Variants in TBC1D19 observed in about 807,000 individuals in gnomAD.
TBC1D19 encodes TBC1 domain family member 19, also known as TBC1 domain family, member 19.
Under a neutral mutation model 89.0 loss-of-function variants are expected in TBC1D19, and 60 were observed. That is an observed-to-expected ratio of 0.67 (90% CI 0.55 to 0.84). The LOEUF is 0.84. Ranked by LOEUF, TBC1D19 falls within the 40% of genes least tolerant of loss-of-function variation. The pLI is 0.00. For missense variants in TBC1D19, 500 were observed against 610.8 expected (o/e 0.82, Z 1.91); for synonymous variants, 189 against 199.7 (o/e 0.95, Z 0.45).
upstream of TBC1D19, among the ~76,000 whole-genome samples, chr4:26,580,561 C>T (rs1739045040): frequency 6.6e-6 from 1 of 152,164 alleles, no homozygotes; most frequent in African/African-American, 2.4e-5. Context: ...CGTTTGTTCC[C>T]AAAGACAGTG....
intron 13 of TBC1D19, among the ~76,000 whole-genome samples, chr4:26,712,751 G>A (rs1428519180): frequency 3.9e-5 from 6 of 152,112 alleles, no homozygotes; most frequent in African/African-American, 1.4e-4. Flanking sequence ...AAATGGAAGG[G>A]TAAGCAGGTA....
Position 26,701,753 on chromosome 4 carries a change from C to A in TBC1D19, c.954+13346C>A, listed in dbSNP as rs527350561. On this transcript the variant is annotated intron_variant, in intron 13 of 20. Transcript: ENST00000264866. ...ATGTCACACAAAGACATAAAAAAAA[C>A]CCACATAAACTAAATATCTACCACT... 1.1e-3 allele frequency among the ~76,000 whole-genome samples: 166 copies of A among 152,018 alleles called. 1 individual carries two copies. Among genetic ancestry groups the A allele is most frequent in the African/African-American group, 3.9e-3 (163 of 41,476 alleles).
At chr4:26,823,939 G>A in the TBC1D19 span, among the ~76,000 whole-genome samples, 15 of 152,284 alleles carry the variant, frequency 9.9e-5, no homozygotes, top group South Asian at 2.1e-4. Context: ...TGAGCCACCC[G>A]GGCTGACTGC....
Position 26,735,455 on chromosome 4 carries a change from G to C in TBC1D19, c.1085G>C (p.Gly362Ala). 6.5e-7 allele frequency: 1 copy of C among 1,539,574 alleles called. No individual in the cohort carries two copies. Among genetic ancestry groups the C allele is most frequent in the Non-Finnish European group, 8.8e-7 (1 of 1,138,778 alleles). Residue 362 changes from glycine to alanine, a missense_variant and splice_region_variant, in exon 16 of 21, where the codon GGT (glycine) becomes GCT (alanine). Gly to Ala is a moderately conservative substitution (Grantham distance 60). Transcript: ENST00000264866. ...AAAAGAAATACCTTTTTTTTTTTAG[G>C]TGTTATCCCTTTTCATGGATTTTCA... ...EEYAVFYPPN[G>A]VIPFHGFSMY... is the part of the protein sequence containing the mutation.
chr4:26,739,950 C>T lies in TBC1D19; in HGVS notation c.1204C>T (p.His402Tyr), dbSNP rs752495919. 1.3e-6 allele frequency: 2 copies of T among 1,592,356 alleles called. No homozygotes were observed. The highest frequency in any genetic ancestry group is 4.6e-5 in the East Asian group (2 of 43,488). Reference sequence around the variant, plus strand: ...GTATGTGCGTTTTTTCTTCAGACTCCATTCCATCTCTTCTCATCCTTCTGT... The same window carrying T: ...GTATGTGCGTTTTTTCTTCAGACTCTATTCCATCTCTTCTCATCCTTCTGT... The part of the protein sequence containing the change: ...EMYVRFFFRL[H>Y]SISSHPSGIV... The change falls in exon 17 of 21, where the codon CAT (histidine) becomes TAT (tyrosine). Residue 402 changes from histidine to tyrosine, a missense_variant. Physicochemically the swap from His to Tyr is moderately conservative, Grantham distance 83. Around this residue, in one of 2 missense-constraint regions of TBC1D19, gnomAD observed 220 missense variants for 319.1 expected, o/e 0.69. Coordinates refer to ENST00000264866, the MANE Select transcript of TBC1D19 (RefSeq NM_018317.4).
At chr4:26,593,850 G>A (rs1481146625) in intron 1 of TBC1D19, among the ~76,000 whole-genome samples, 1 of 152,202 alleles carries the variant, frequency 6.6e-6, no homozygotes, top group African/African-American at 2.4e-5. Flanking sequence ...ACAGGTGCTG[G>A]AGAGGTTGTG....
rs1165703037 is a variant in TBC1D19, at chr4:26,688,417, A to G, written c.954+10A>G. 6.5e-7 allele frequency: 1 copy of G among 1,545,528 alleles called. No individual in the cohort carries two copies. Among genetic ancestry groups the G allele is most frequent in the Non-Finnish European group, 8.8e-7 (1 of 1,141,922 alleles). On this transcript the variant is annotated intron_variant, in intron 13 of 20. Coordinates refer to ENST00000264866, the MANE Select transcript of TBC1D19 (RefSeq NM_018317.4). ...AGATTATTTATATCAGGTAAGTTTA[A>G]AAATAAAAATACATAGTGTTCTTGT...
At chr4:26,592,826 A>G (rs1313556681) in intron 1 of TBC1D19, among the ~76,000 whole-genome samples, 5 of 152,168 alleles carry the variant, frequency 3.3e-5, no homozygotes, top group Non-Finnish European at 7.4e-5. Flanking sequence ...CCACTGCTCA[A>G]TGAAATAAAA....
chr4:26,826,574 C>T, the TBC1D19 span, among the ~76,000 whole-genome samples: 15 of 152,176 alleles, frequency 9.9e-5, no homozygotes, highest in African/African-American at 3.4e-4. Flanking sequence ...TCCAATATAC[C>T]TTTCAAAATT....
the TBC1D19 span, among the ~76,000 whole-genome samples, chr4:26,774,217 C>T: frequency 6.6e-6 from 1 of 152,210 alleles, no homozygotes; most frequent in African/African-American, 2.4e-5. Flanking sequence ...AGGGAGGTGG[C>T]ACATTGCTTA....
the TBC1D19 span, among the ~76,000 whole-genome samples, chr4:26,808,598 A>G: frequency 6.6e-6 from 1 of 151,994 alleles, no homozygotes; most frequent in Non-Finnish European, 1.5e-5. Flanking sequence ...GCGTGATGGC[A>G]GGCACCTGTA....
chr4:26,736,288 G>T (rs1406075935), intron 16 of TBC1D19, among the ~76,000 whole-genome samples: 2 of 140,438 alleles, frequency 1.4e-5, no homozygotes, highest in African/African-American at 2.6e-5. Flanking sequence ...GTAAACTATC[G>T]CAAGAACAAA....
At chr4:26,645,708 G>A (rs1484222622) in intron 7 of TBC1D19, among the ~76,000 whole-genome samples, 1 of 152,224 alleles carries the variant, frequency 6.6e-6, no homozygotes, top group Admixed American at 6.5e-5. Flanking sequence ...TACCATCAGA[G>A]TGAACAGGCA....
At chr4:26,623,060 T>G (rs926699442) in intron 4 of TBC1D19, among the ~76,000 whole-genome samples, 1 of 152,202 alleles carries the variant, frequency 6.6e-6, no homozygotes, top group African/African-American at 2.4e-5. Flanking sequence ...TTTGAGACAC[T>G]TAGTTGTTTA....
intron 5 of TBC1D19, among the ~76,000 whole-genome samples, chr4:26,638,014 G>T (rs1276992875): frequency 6.6e-6 from 1 of 152,130 alleles, no homozygotes; most frequent in Non-Finnish European, 1.5e-5. Flanking sequence ...CGGTATTAAC[G>T]TAGGAAACGA....
intron 1 of TBC1D19, among the ~76,000 whole-genome samples, chr4:26,598,372 A>G (rs1231503554): frequency 1.3e-5 from 2 of 151,616 alleles, no homozygotes; most frequent in African/African-American, 4.8e-5. Context: ...TTTTTACACT[A>G]TGTATGATAA....
intron 1 of TBC1D19, among the ~76,000 whole-genome samples, chr4:26,601,156 TAGAG>T (rs989159348): frequency 2.0e-4 from 30 of 151,878 alleles, no homozygotes; most frequent in Non-Finnish European, 1.0e-4. Flanking sequence ...CATATATACA[TAGAG>T]AGAGACATAT....
At chr4:26,627,752 A>G (rs1742523270) in intron 4 of TBC1D19, among the ~76,000 whole-genome samples, 1 of 151,926 alleles carries the variant, frequency 6.6e-6, no homozygotes, top group Admixed American at 6.6e-5. Flanking sequence ...TTTCTCGTAA[A>G]TTTGTTTGAG....
intron 14 of TBC1D19, among the ~76,000 whole-genome samples, chr4:26,718,708 G>A (rs1292609297): frequency 6.6e-6 from 1 of 152,008 alleles, no homozygotes; most frequent in Non-Finnish European, 1.5e-5. Flanking sequence ...ACCTTGTGCT[G>A]GATTTCAGCT....
Sources: allele counts gnomAD v4.1 joint callset (sites outside exome capture counted in the v4.1 genomes callset), GRCh38; gene constraint gnomAD v4.1.1; regional missense constraint gnomAD v4.1.1; transcripts MANE v1.5; gene names NCBI Gene and HGNC (gene_info 2026-07-23, HGNC 2026-07-21).